Variants in GTF2A1L observed in about 807,000 individuals in gnomAD.
The protein encoded by GTF2A1L is TFIIA-alpha and beta-like factor.
In GTF2A1L, 48 loss-of-function variants were observed where a neutral mutation model predicts 49.7. The ratio of observed to expected loss-of-function variants is 0.97; its 90% CI spans 0.77 to 1.23. The LOEUF (loss-of-function observed/expected upper bound fraction) is 1.23. Among genes scored for constraint, GTF2A1L ranks in the 50% most tolerant of loss-of-function variants. The pLI is 0.00. For missense variants in GTF2A1L, 736 were observed against 564.8 expected (o/e 1.30, Z -3.07); for synonymous variants, 246 against 193.5 (o/e 1.27, Z -2.25).
intron 3 of GTF2A1L, among the ~76,000 whole-genome samples, chr2:48,629,479 G>C (rs59434321): frequency 6.9e-6 from 1 of 144,052 alleles, no homozygotes; most frequent in Non-Finnish European, 1.6e-5. Context: ...CAATGGCAAG[G>C]TTGTGGACTA....
rs559005383 is a variant in GTF2A1L at position 48,655,718 on chromosome 2, T to C, written c.978+8676T>C. On this transcript the variant is annotated intron_variant, in intron 6 of 8. Coordinates refer to ENST00000403751, the MANE Select transcript of GTF2A1L (RefSeq NM_006872.5). The stretch of plus-strand genomic sequence containing the variant: ...ACTATTTATTTTATTTTTAAATTAT[T>C]TTTACAATTTTTAACTGTATAGCTT... Among the ~76,000 whole-genome samples the C allele has an allele frequency of 4.6e-4, 70 of 152,320 alleles. 1 individual carries two copies. In the East Asian group the frequency reaches 0.012, roughly 27 times the overall value.
intron 3 of GTF2A1L, among the ~76,000 whole-genome samples, chr2:48,640,774 C>G (rs1677156813): frequency 6.6e-6 from 1 of 152,106 alleles, no homozygotes; most frequent in Admixed American, 6.6e-5. Flanking sequence ...AAAATATATA[C>G]TCATTTAAAA....
intron 6 of GTF2A1L, among the ~76,000 whole-genome samples, chr2:48,662,343 A>G (rs939159530): frequency 3.3e-5 from 5 of 152,210 alleles, no homozygotes; most frequent in African/African-American, 1.2e-4. Context: ...ATTTAACTTT[A>G]CCAGATAATT....
At chr2:48,655,768 G>A (rs553981275) in intron 6 of GTF2A1L, among the ~76,000 whole-genome samples, 1 of 151,996 alleles carries the variant, frequency 6.6e-6, no homozygotes, top group African/African-American at 2.4e-5. Flanking sequence ...TATTCACATT[G>A]TTGTGTAGCT....
intron 6 of GTF2A1L, among the ~76,000 whole-genome samples, chr2:48,663,118 A>G (rs35933416): frequency 0.091 from 13,786 of 152,242 alleles, 682 homozygotes; most frequent in Non-Finnish European, 0.11. Context: ...CCTTGTAGAT[A>G]GATTAAAATA....
intron 3 of GTF2A1L, among the ~76,000 whole-genome samples, chr2:48,639,936 A>G (rs1266545824): frequency 1.3e-5 from 2 of 152,240 alleles, no homozygotes; most frequent in African/African-American, 4.8e-5. Context: ...GCCAACAAGC[A>G]TATGAAAAAA....
intron 6 of GTF2A1L, among the ~76,000 whole-genome samples, chr2:48,658,023 A>G (rs1678276938): frequency 6.6e-6 from 1 of 152,114 alleles, no homozygotes; most frequent in South Asian, 2.1e-4. Context: ...TCAGATGCAC[A>G]GTTTGTGAAT....
intron 6 of GTF2A1L, chr2:48,668,483 G>C (rs943932123): frequency 1.3e-5 from 2 of 152,072 alleles, no homozygotes; most frequent in Non-Finnish European, 2.9e-5. Flanking sequence ...TCTTTGTCCT[G>C]TCTATGACAA....
At chr2:48,638,507 T>C (rs1677027833) in intron 3 of GTF2A1L, among the ~76,000 whole-genome samples, 2 of 152,142 alleles carry the variant, frequency 1.3e-5, no homozygotes, top group Admixed American at 1.3e-4. Flanking sequence ...AGAAAAGGCT[T>C]TAGATAAAAT....
At chr2:48,667,394 T>C (rs1678914392) in intron 6 of GTF2A1L, among the ~76,000 whole-genome samples, 1 of 152,204 alleles carries the variant, frequency 6.6e-6, no homozygotes, top group African/African-American at 2.4e-5. Context: ...GGGCTGTCCC[T>C]CCTTGGATTT....
intron 6 of GTF2A1L, among the ~76,000 whole-genome samples, chr2:48,653,533 C>G (rs62137510): frequency 0.019 from 2,867 of 152,308 alleles, 41 homozygotes; most frequent in Middle Eastern, 0.034. Context: ...TAGCACAATA[C>G]ATTTGAGATT....
In GTF2A1L at chr2:48,662,563, G is replaced by T. The variant is rs576497972; in HGVS notation, c.979-7159G>T. ...CATGGCAATAGGAACTACTCTAGCTGGGTTTTGCAGCGGCAGAGAGAGACT... is the reference window on the plus strand; with the variant it reads ...CATGGCAATAGGAACTACTCTAGCTTGGTTTTGCAGCGGCAGAGAGAGACT... On this transcript the variant is annotated intron_variant, in intron 6 of 8. Transcript: ENST00000403751. 7.2e-5 allele frequency among the ~76,000 whole-genome samples: 11 copies of T among 152,054 alleles called. No individual in the cohort carries two copies. In the South Asian group the frequency reaches 2.3e-3, roughly 32 times the overall value.
intron 6 of GTF2A1L, among the ~76,000 whole-genome samples, chr2:48,665,283 TCTC>T (rs1678773675): frequency 2.2e-5 from 3 of 137,850 alleles, no homozygotes; most frequent in East Asian, 2.0e-4. Context: ...GATTTCTCTC[TCTC>T]TTTTTTTTTT....
chr2:48,646,953 C>G lies in GTF2A1L; in HGVS notation c.889C>G (p.His297Asp). ...LHQHVTDIQL[H>D]ILKNRMYGCD... ...CCAGCACGTGACTGATATTCAGCTT[C>G]ATATTCTTAAAAATAGGATGTATGG... The change falls in exon 6 of 9, where the codon CAT (histidine) becomes GAT (aspartate). Residue 297 changes from histidine to aspartate, a missense_variant. Physicochemically the swap from His to Asp is moderately conservative, Grantham distance 81. Coordinates refer to ENST00000403751, the MANE Select transcript of GTF2A1L (RefSeq NM_006872.5). 1 of 1,614,150 alleles carries G rather than the reference C, an allele frequency of 6.2e-7. No homozygotes were observed. The highest frequency in any genetic ancestry group is 2.2e-5 in the East Asian group (1 of 44,890).
chr2:48,637,758 A>G (rs892030812), intron 3 of GTF2A1L, among the ~76,000 whole-genome samples: 6 of 152,108 alleles, frequency 3.9e-5, no homozygotes, highest in African/African-American at 1.2e-4. Context: ...ATCCAAATAA[A>G]CACAATTAGA....
At chr2:48,670,849 G>T (rs1679128224) in intron 7 of GTF2A1L, among the ~76,000 whole-genome samples, 1 of 151,952 alleles carries the variant, frequency 6.6e-6, no homozygotes, top group Admixed American at 6.6e-5. Context: ...TTTGAGACAG[G>T]GTCTTGCTCT....
intron 3 of GTF2A1L, among the ~76,000 whole-genome samples, chr2:48,631,383 T>A (rs771563045): frequency 7.2e-5 from 11 of 152,190 alleles, no homozygotes; most frequent in Non-Finnish European, 1.6e-4. Context: ...ATTTATCCAT[T>A]TCCTCTAGAT....
chr2:48,635,085 T>G (rs1676813074), intron 3 of GTF2A1L, among the ~76,000 whole-genome samples: 1 of 152,214 alleles, frequency 6.6e-6, no homozygotes, highest in African/African-American at 2.4e-5. Context: ...GTGCTCCAGA[T>G]ATCTGGAGAT....
At chr2:48,633,784 C>G (rs62137503) in intron 3 of GTF2A1L, among the ~76,000 whole-genome samples, 2,860 of 152,264 alleles carry the variant, frequency 0.019, 40 homozygotes, top group Middle Eastern at 0.037. Context: ...TTTTGTAGGT[C>G]TAGAAGTACT....
Sources: allele counts gnomAD v4.1 joint callset (sites outside exome capture counted in the v4.1 genomes callset), GRCh38; gene constraint gnomAD v4.1.1; transcripts MANE v1.5; gene names NCBI Gene and HGNC (gene_info 2026-07-23, HGNC 2026-07-21).